Variants in SORCS2 observed in about 807,000 individuals in gnomAD.
SORCS2 encodes VPS10 domain-containing receptor SorCS2.
A neutral mutation model predicts 141.6 loss-of-function variants in SORCS2; 100 were observed. That is an observed-to-expected ratio of 0.71 (90% CI 0.60 to 0.83). The LOEUF is 0.83. SORCS2 is among the 40% of genes least tolerant of loss of function. The pLI is 0.00. For missense variants in SORCS2, 1,646 were observed against 1,560.2 expected, an observed-to-expected ratio of 1.05 and a Z score of -0.93; for synonymous variants, 789 against 676.9, an observed-to-expected ratio of 1.17 and a Z score of -2.57.
chr4:7,253,089 T>A (rs1413235660), intron 1 of SORCS2, among the ~76,000 whole-genome samples: 1 of 152,230 alleles, frequency 6.6e-6, no homozygotes, highest in Non-Finnish European at 1.5e-5. Flanking sequence ...TTTTTCCTAA[T>A]TCAAGAGGCA....
intron 5 of SORCS2, among the ~76,000 whole-genome samples, chr4:7,655,468 C>T (rs561227924): frequency 3.9e-5 from 6 of 152,382 alleles, no homozygotes; most frequent in Non-Finnish European, 8.8e-5. Context: ...TTCAAGTTGG[C>T]GGCTGCAGAG....
At chr4:7,219,660 A>G (rs555494292) in intron 1 of SORCS2, among the ~76,000 whole-genome samples, 43 of 152,312 alleles carry the variant, frequency 2.8e-4, no homozygotes, top group South Asian at 1.0e-3. Context: ...TCACTCACTA[A>G]TCCGAGAATA....
chr4:7,306,017 C>G (rs1717800911), intron 1 of SORCS2, among the ~76,000 whole-genome samples: 1 of 152,218 alleles, frequency 6.6e-6, no homozygotes, highest in Non-Finnish European at 1.5e-5. Context: ...CATGTGGTGT[C>G]CCCCTGCCTG....
At chr4:7,496,055 C>T in intron 2 of SORCS2, among the ~76,000 whole-genome samples, 1 of 152,180 alleles carries the variant, frequency 6.6e-6, no homozygotes, top group East Asian at 1.9e-4. Flanking sequence ...CTGTCAGTTC[C>T]AAAGCGGTGC....
chr4:7,281,583 A>G lies in SORCS2; in HGVS notation c.480+88457A>G, dbSNP rs540545615. On this transcript the variant is annotated intron_variant, in intron 1 of 26. Transcript: ENST00000507866. The stretch of plus-strand genomic sequence containing the variant: ...CATCCTCTGTGTGTCTCTGGTCACC[A>G]CCAGACTCACTCATGTCATTGCCAT... Among the ~76,000 whole-genome samples the G allele has an allele frequency of 1.1e-4, 17 of 152,204 alleles. No individual in the cohort carries two copies. In the South Asian group the frequency reaches 3.5e-3, roughly 32 times the overall value.
chr4:7,268,524 A>G (rs1215736434), intron 1 of SORCS2, among the ~76,000 whole-genome samples: 1 of 152,214 alleles, frequency 6.6e-6, no homozygotes, highest in Non-Finnish European at 1.5e-5. Context: ...TGAGGCTGCC[A>G]GGATCAGGCA....
chr4:7,245,496 T>C (rs1050964446), intron 1 of SORCS2, among the ~76,000 whole-genome samples: 4 of 152,272 alleles, frequency 2.6e-5, no homozygotes, highest in Non-Finnish European at 5.9e-5. Context: ...AGACCTGGAT[T>C]CCACTCTGGC....
intron 1 of SORCS2, among the ~76,000 whole-genome samples, chr4:7,216,452 G>A (rs960189498): frequency 3.9e-5 from 6 of 152,232 alleles, no homozygotes; most frequent in African/African-American, 1.4e-4. Context: ...AAGCAACACA[G>A]CTTCATTGTC....
chr4:7,723,087 G>C (rs1235734364), intron 18 of SORCS2, among the ~76,000 whole-genome samples: 2 of 152,184 alleles, frequency 1.3e-5, no homozygotes, highest in Admixed American at 1.3e-4. Flanking sequence ...GGAGATGGTG[G>C]AGCGGCCTCT....
intron 8 of SORCS2, among the ~76,000 whole-genome samples, chr4:7,675,664 G>T (rs980043188): frequency 6.6e-6 from 1 of 152,138 alleles, no homozygotes; most frequent in Non-Finnish European, 1.5e-5. Context: ...AGAGGGAGGG[G>T]CTCCAGCCCT....
intron 2 of SORCS2, among the ~76,000 whole-genome samples, chr4:7,460,368 G>T (rs1340504639): frequency 3.3e-5 from 5 of 152,202 alleles, no homozygotes; most frequent in African/African-American, 1.2e-4. Context: ...GCTTCCACGG[G>T]CCCCTGCACA....
At chr4:7,231,494 C>G (rs1161826414) in intron 1 of SORCS2, among the ~76,000 whole-genome samples, 1 of 152,244 alleles carries the variant, frequency 6.6e-6, no homozygotes, top group African/African-American at 2.4e-5. Flanking sequence ...CCACCCATCA[C>G]TCATCCGTTT....
intron 8 of SORCS2, among the ~76,000 whole-genome samples, chr4:7,674,223 C>T (rs928349580): frequency 6.6e-6 from 1 of 152,086 alleles, no homozygotes; most frequent in Non-Finnish European, 1.5e-5. Flanking sequence ...TCCATAGACA[C>T]AGGACTGTGG....
rs1336261659 is a variant in SORCS2, at chr4:7,638,363, C to G, written c.684C>G (p.Asp228Glu). The change falls in exon 4 of 27, where the codon GAC (aspartate) becomes GAG (glutamate). Residue 228 changes from aspartate (D) to glutamate (E), a missense_variant. By Grantham distance (45) the Asp-to-Glu change is conservative. Coordinates refer to ENST00000507866, the MANE Select transcript of SORCS2 (RefSeq NM_020777.3). ...ILVSSSLSDR[D>E]QSLFLSADEG... ...TCAGCTCCTCACTCAGTGACCGGGA[C>G]CAGAGCCTATTCCTCAGCGCAGACG... 2.6e-6 allele frequency: 4 copies of G among 1,539,534 alleles called. No homozygotes were observed. The African/African-American group carries it at 4.2e-5, about 16-fold the overall frequency.
intron 2 of SORCS2, among the ~76,000 whole-genome samples, chr4:7,527,641 G>A (rs1300587979): frequency 6.6e-6 from 1 of 152,194 alleles, no homozygotes; most frequent in African/African-American, 2.4e-5. Context: ...GTTTTAAGCT[G>A]CTGAGTCTGT....
chr4:7,361,216 C>G (rs1172255904), intron 1 of SORCS2, among the ~76,000 whole-genome samples: 1 of 152,148 alleles, frequency 6.6e-6, no homozygotes, highest in African/African-American at 2.4e-5. Context: ...CACATAGATG[C>G]CAAGTGGATT....
chr4:7,239,859 C>T (rs1560133262), intron 1 of SORCS2, among the ~76,000 whole-genome samples: 1 of 152,216 alleles, frequency 6.6e-6, no homozygotes, highest in South Asian at 2.1e-4. Flanking sequence ...TGAGGGTGAA[C>T]AGCCCAGAGC....
chr4:7,410,590 T>G (rs1725239084), intron 2 of SORCS2, among the ~76,000 whole-genome samples: 1 of 152,224 alleles, frequency 6.6e-6, no homozygotes, highest in Non-Finnish European at 1.5e-5. Flanking sequence ...GTCTGTTTCC[T>G]TCCTTCTCCC....
At chr4:7,332,824 GTGTGGGTGAGGCAGGAGGAGGGCAGGA>G (rs1719737068) in intron 1 of SORCS2, among the ~76,000 whole-genome samples, 1 of 152,238 alleles carries the variant, frequency 6.6e-6, no homozygotes, top group Admixed American at 6.5e-5. Flanking sequence ...ATGGGGCAGA[GTGTGGGTGAGGCAGGAGGAGGGCAGGA>G]TGTGGACTCT....
Sources: allele counts gnomAD v4.1 joint callset (sites outside exome capture counted in the v4.1 genomes callset), GRCh38; gene constraint gnomAD v4.1.1; transcripts MANE v1.5; gene names NCBI Gene and HGNC (gene_info 2026-07-23, HGNC 2026-07-21).